The following KANSL1L variants were observed in gnomAD, a reference collection of about 807,000 sequenced individuals.
KANSL1L encodes the protein KAT8 regulatory NSL complex subunit 1-like protein.
In KANSL1L, 25 loss-of-function variants were observed where a neutral mutation model predicts 108.6. The ratio of observed to expected loss-of-function variants is 0.23; its 90% confidence interval spans 0.17 to 0.32. The LOEUF is 0.32. Among genes scored for constraint, KANSL1L ranks in the 10% least tolerant of loss-of-function variants. The probability of loss-of-function intolerance (pLI) is 1.00; values close to 1 mark genes in which losing one functional copy is unlikely to be tolerated. For synonymous variants in KANSL1L, 405 were observed against 395.1 expected (o/e 1.03, Z -0.30); for missense variants, 1,137 against 1,125.7 (o/e 1.01, Z -0.14).
At chr2:210,115,871 G>A (rs773559143) in intron 3 of KANSL1L, among the ~76,000 whole-genome samples, 11 of 152,216 alleles carry the variant, frequency 7.2e-5, no homozygotes, top group Admixed American at 2.0e-4. Context: ...AGAACAAGAC[G>A]GCTGAATAGA....
intron 1 of KANSL1L, among the ~76,000 whole-genome samples, chr2:210,161,584 A>C (rs1464939753): frequency 6.6e-6 from 1 of 152,196 alleles, no homozygotes; most frequent in Non-Finnish European, 1.5e-5. Flanking sequence ...CTTCCTAAAA[A>C]TTAAATACTA....
chr2:210,098,325 A>C, intron 4 of KANSL1L, 118 bp from the exon 5 acceptor site: 1 of 922,862 alleles, frequency 1.1e-6, no homozygotes, highest in South Asian at 1.7e-5. Flanking sequence ...TATTTTAGTA[A>C]ATGTTTTATT....
chr2:210,087,926 C>T (rs559297883), intron 5 of KANSL1L, among the ~76,000 whole-genome samples: 1 of 152,216 alleles, frequency 6.6e-6, no homozygotes, highest in African/African-American at 2.4e-5. Context: ...CTTCATAGCA[C>T]TTGATCAAGG....
intron 1 of KANSL1L, among the ~76,000 whole-genome samples, chr2:210,159,085 G>T (rs6749141): frequency 0.029 from 4,406 of 152,308 alleles, 91 homozygotes; most frequent in Non-Finnish European, 0.044. Flanking sequence ...GTGAGAAAAT[G>T]AGTGGTTGCC....
intron 11 of KANSL1L, among the ~76,000 whole-genome samples, chr2:210,027,990 A>G (rs1288222171): frequency 6.6e-6 from 1 of 152,236 alleles, no homozygotes; most frequent in Non-Finnish European, 1.5e-5. Flanking sequence ...ATGTATAGCA[A>G]TTGACTGAAA....
At chr2:210,079,656 A>ATATGTATGTG (rs2094571824) in intron 5 of KANSL1L, 1 of 18,088 alleles carries the variant, frequency 5.5e-5, no homozygotes, top group African/African-American at 1.5e-4. Flanking sequence ...ATATATATAT[A>ATATGTATGTG]TATATATATG....
rs183212365 is a variant in KANSL1L, at chr2:210,025,575, A to C, written c.2452-359T>G. Among the ~76,000 whole-genome samples, 188 of 152,366 alleles carry C rather than the reference A, an allele frequency of 1.2e-3. 1 individual carries two copies. Among genetic ancestry groups the C allele is most frequent in the African/African-American group, 4.3e-3 (177 of 41,596 alleles). On this transcript the variant is annotated intron_variant, in intron 12 of 14. Coordinates refer to ENST00000281772, the MANE Select transcript of KANSL1L (RefSeq NM_152519.4). The stretch of plus-strand genomic sequence containing the variant: ...GTCTCAAAAAAAGAAATATAAGATC[A>C]GGTTTCAAAGAGTTTCTCATGTAGA...
At chr2:210,121,272 A>T (rs1336206681) in intron 3 of KANSL1L, among the ~76,000 whole-genome samples, 2 of 152,242 alleles carry the variant, frequency 1.3e-5, no homozygotes, top group African/African-American at 2.4e-5. Context: ...TAGACTGCAT[A>T]AAGCAAATGT....
chr2:210,081,596 A>C (rs1401069096), intron 5 of KANSL1L, among the ~76,000 whole-genome samples: 1 of 152,172 alleles, frequency 6.6e-6, no homozygotes, highest in Non-Finnish European at 1.5e-5. Context: ...TAGTGCAGAG[A>C]CTGTGTCTAT....
In KANSL1L at chr2:210,072,418, A is replaced by G. The variant is rs141113607; in HGVS notation, c.1755+3134T>C. 4.1e-3 allele frequency among the ~76,000 whole-genome samples: 618 copies of G among 152,328 alleles called. 4 individuals carry two copies. Among genetic ancestry groups the G allele is most frequent in the South Asian group, 2.7e-3 (13 of 4,832 alleles). On this transcript the variant is annotated intron_variant, in intron 6 of 14. Transcript: ENST00000281772. ...GTTTGTTTCTGTATATATAGTTACT[A>G]TATGCCCCCTGGCAACTGGCAGGAG...
chr2:210,170,832 C>G (rs1328739438), intron 1 of KANSL1L, among the ~76,000 whole-genome samples: 1 of 152,138 alleles, frequency 6.6e-6, no homozygotes, highest in Non-Finnish European at 1.5e-5. Flanking sequence ...AAAGGGAGGT[C>G]TGCCAAGCCC....
intron 5 of KANSL1L, chr2:210,080,328 T>C (rs2094580011): frequency 6.6e-6 from 1 of 152,210 alleles, no homozygotes; most frequent in African/African-American, 2.4e-5. Flanking sequence ...TGCTTTCCCT[T>C]GTTCTCTGTG....
At chr2:210,149,729 T>C (rs2095289129) in intron 2 of KANSL1L, among the ~76,000 whole-genome samples, 1 of 152,036 alleles carries the variant, frequency 6.6e-6, no homozygotes, top group African/African-American at 2.4e-5. Flanking sequence ...AGTTATGTCA[T>C]TTGCTCTCAA....
intron 5 of KANSL1L, among the ~76,000 whole-genome samples, chr2:210,090,979 G>A (rs950016963): frequency 6.6e-6 from 1 of 151,918 alleles, no homozygotes; most frequent in Non-Finnish European, 1.5e-5. Flanking sequence ...CTAATTTTCA[G>A]GTCACAGAGG....
chr2:210,143,813 T>C (rs1367481014), intron 2 of KANSL1L, among the ~76,000 whole-genome samples: 1 of 152,190 alleles, frequency 6.6e-6, no homozygotes, highest in Non-Finnish European at 1.5e-5. Flanking sequence ...CTATGACAAA[T>C]TATTGTAGCT....
intron 1 of KANSL1L, among the ~76,000 whole-genome samples, chr2:210,159,958 C>A (rs925819875): frequency 6.6e-6 from 1 of 152,192 alleles, no homozygotes; most frequent in African/African-American, 2.4e-5. Flanking sequence ...ATGGTGTGAA[C>A]CCGGGAGGTG....
At chr2:210,042,635 T>C (rs2094177873) in intron 7 of KANSL1L, among the ~76,000 whole-genome samples, 1 of 152,174 alleles carries the variant, frequency 6.6e-6, no homozygotes, top group Non-Finnish European at 1.5e-5. Flanking sequence ...TCTATTCTCA[T>C]GGAGTTGTGG....
intron 3 of KANSL1L, among the ~76,000 whole-genome samples, chr2:210,115,328 A>G (rs1030498495): frequency 9.9e-5 from 15 of 152,204 alleles, no homozygotes; most frequent in African/African-American, 3.6e-4. Flanking sequence ...ATAAGACTCT[A>G]TAACAAGATA....
chr2:210,155,309 G>A (rs2095326974), intron 1 of KANSL1L: 2 of 152,250 alleles, frequency 1.3e-5, no homozygotes, highest in Non-Finnish European at 1.5e-5. Flanking sequence ...CTACTTAGGA[G>A]GCTGAGGCAG....
Sources: gnomAD v4.1 joint callset for allele counts (sites outside exome capture counted in the v4.1 genomes callset) on GRCh38, gnomAD v4.1.1 for gene constraint, MANE v1.5 for transcripts, NCBI Gene and HGNC (gene_info 2026-07-23, HGNC 2026-07-21) for gene names.